Variants in ADRA1A observed in about 807,000 individuals in gnomAD.
ADRA1A encodes adrenoceptor alpha 1A.
ADRA1A carries 31 observed loss-of-function variants against 29.6 expected under a neutral mutation model. That is an observed-to-expected ratio of 1.05 (90% CI 0.79 to 1.41). The LOEUF (loss-of-function observed/expected upper bound fraction) is 1.41, where lower values mean the gene tolerates loss of function less well. Ranked by LOEUF, ADRA1A falls within the 40% of genes most tolerant of loss-of-function variation. The pLI, the probability that ADRA1A is intolerant of heterozygous loss-of-function variation, is 0.00. For synonymous variants in ADRA1A, 311 were observed against 254.3 expected, an observed-to-expected ratio of 1.22 and a Z score of -2.12; for missense variants, 619 against 601.1, an observed-to-expected ratio of 1.03 and a Z score of -0.31.
At chr8:26,835,242 T>G (rs1811259098) in intron 2 of ADRA1A, among the ~76,000 whole-genome samples, 1 of 152,226 alleles carries the variant, frequency 6.6e-6, no homozygotes, top group African/African-American at 2.4e-5. Flanking sequence ...CAATCTTACA[T>G]TTTTATAACA....
At chr8:26,840,484 T>A (rs1811739624) in intron 2 of ADRA1A, among the ~76,000 whole-genome samples, 1 of 152,120 alleles carries the variant, frequency 6.6e-6, no homozygotes, top group Non-Finnish European at 1.5e-5. Context: ...AACCCTAGAC[T>A]TTGGTTTGGA....
At chr8:26,858,346 T>A (rs376786198) in intron 2 of ADRA1A, among the ~76,000 whole-genome samples, 2 of 152,218 alleles carry the variant, frequency 1.3e-5, no homozygotes, top group East Asian at 3.8e-4. Flanking sequence ...ATGCTTTCTA[T>A]TTCTTAGAAT....
At chr8:26,851,023 G>T (rs2130743106) in intron 2 of ADRA1A, among the ~76,000 whole-genome samples, 1 of 152,066 alleles carries the variant, frequency 6.6e-6, no homozygotes, top group African/African-American at 2.4e-5. Context: ...TGTTCCATCT[G>T]GGAGATTAAG....
intron 2 of ADRA1A, among the ~76,000 whole-genome samples, chr8:26,794,158 G>T (rs7841917): frequency 0.021 from 3,134 of 152,062 alleles, 99 homozygotes; most frequent in African/African-American, 0.069. Flanking sequence ...AAACATTAGG[G>T]AATAATGGAA....
chr8:26,756,549 T>C (rs1713895529), exon 3 of ADRA1A: 6 of 1,544,530 alleles, frequency 3.9e-6, no homozygotes, highest in Non-Finnish European at 5.2e-6. Flanking sequence ...ATTCCTTAAG[T>C]TACTGTTTTT....
chr8:26,754,891 A>G (rs1442224905), downstream of ADRA1A, among the ~76,000 whole-genome samples: 15 of 152,168 alleles, frequency 9.9e-5, no homozygotes, highest in African/African-American at 2.4e-4. Context: ...ATACGCTTCA[A>G]TGTAGCGTGA....
downstream of ADRA1A, among the ~76,000 whole-genome samples, chr8:26,765,406 G>A (rs544530288): frequency 8.5e-5 from 13 of 152,310 alleles, no homozygotes; most frequent in Non-Finnish European, 1.9e-4. Context: ...CTGCTCCCAG[G>A]GGTTCTGGAG....
intron 2 of ADRA1A, among the ~76,000 whole-genome samples, chr8:26,840,404 G>GC (rs1359391887): frequency 6.6e-6 from 1 of 152,154 alleles, no homozygotes; most frequent in Non-Finnish European, 1.5e-5. Context: ...ACACAGTCGA[G>GC]CCCTGCTCCA....
At chr8:26,761,016 T>G (rs1805479546), downstream of ADRA1A, among the ~76,000 whole-genome samples, 1 of 152,216 alleles carries the variant, frequency 6.6e-6, no homozygotes, top group Non-Finnish European at 1.5e-5. Context: ...CCTCTCTCCA[T>G]GCCTGCTTAG....
chr8:26,818,486 C>G (rs1251957985), intron 2 of ADRA1A, among the ~76,000 whole-genome samples: 1 of 152,056 alleles, frequency 6.6e-6, no homozygotes, highest in Admixed American at 6.6e-5. Context: ...ACCCAGAAAA[C>G]TTTACAGATG....
chr8:26,757,227 GTC>G, intron 2 of ADRA1A: 1 of 690,762 alleles, frequency 1.4e-6, no homozygotes, highest in Non-Finnish European at 2.6e-6. Context: ...GAGATTCTGA[GTC>G]ACGAGAGACC....
chr8:26,839,309 C>T (rs1811632345), intron 2 of ADRA1A, among the ~76,000 whole-genome samples: 1 of 152,066 alleles, frequency 6.6e-6, no homozygotes, highest in Non-Finnish European at 1.5e-5. Context: ...CAGGCTCCTG[C>T]CACAACGCCC....
At chr8:26,855,104 C>T (rs1472906172) in intron 2 of ADRA1A, among the ~76,000 whole-genome samples, 1 of 152,126 alleles carries the variant, frequency 6.6e-6, no homozygotes, top group Non-Finnish European at 1.5e-5. Flanking sequence ...ATTATAGCAG[C>T]CTGAATGGAC....
intron 2 of ADRA1A, chr8:26,757,194 T>C: frequency 1.4e-6 from 1 of 700,902 alleles, no homozygotes; most frequent in South Asian, 1.5e-5. Flanking sequence ...AGTGACTTTT[T>C]TTCCTCTCTT....
At chr8:26,753,261 A>G (rs1304004865), downstream of ADRA1A, among the ~76,000 whole-genome samples, 1 of 151,974 alleles carries the variant, frequency 6.6e-6, no homozygotes, top group Non-Finnish European at 1.5e-5. Context: ...GTAACTTAAT[A>G]TGTCCTGTCT....
chr8:26,812,714 G>C (rs891739404), intron 2 of ADRA1A, among the ~76,000 whole-genome samples: 1 of 151,432 alleles, frequency 6.6e-6, no homozygotes, highest in Non-Finnish European at 1.5e-5. Context: ...ACCCAGGCTG[G>C]AGTGCAGTGG....
intron 2 of ADRA1A, among the ~76,000 whole-genome samples, chr8:26,803,519 G>A (rs779687978): frequency 2.6e-5 from 4 of 152,134 alleles, no homozygotes; most frequent in Non-Finnish European, 5.9e-5. Flanking sequence ...TGATCCTAGA[G>A]TAGTGAAATA....
Position 26,866,910 on chromosome 8 carries a change from C to A in ADRA1A, c.-687+26G>T, listed in dbSNP as rs1039503407. 11 of 985,288 alleles carry A rather than the reference C, an allele frequency of 1.1e-5. No individual in the cohort carries two copies. The highest frequency in any genetic ancestry group is 1.7e-5 in the African/African-American group (1 of 57,242). 61.0% of individuals were successfully genotyped at this position (985,288 alleles called of 1,614,324 possible). A position where few individuals can be genotyped will look rare whatever the true frequency, so the allele number is the denominator to read the frequency against. On this transcript the variant is annotated intron_variant, in intron 1 of 2. Transcript: ENST00000380573. This position sits in a 1 kb window ranked among gnomAD's most constrained non-coding sequence, Gnocchi z 5.7. The stretch of plus-strand genomic sequence containing the variant: ...GTCTGCCCTCACCCACTCGGCCCTG[C>A]GGGACGCCGGCCCCGGCGCACTCAC...
chr8:26,825,021 C>G lies in ADRA1A; in HGVS notation c.883+39066G>C, dbSNP rs989612233. 7.2e-6 allele frequency among the ~76,000 whole-genome samples: 1 copy of G among 139,014 alleles called. No individual in the cohort carries two copies. The highest frequency in any genetic ancestry group is 1.6e-5 in the Non-Finnish European group (1 of 62,150). 91.2% of individuals were successfully genotyped at this position (139,014 alleles called of 152,430 possible). ...GTTCTTCTTGAACTAGCCGGCAGAT[C>G]TGCAGTGTGGAATTGAGTTACCAGT... On this transcript the variant is annotated intron_variant, in intron 2 of 2. Transcript: ENST00000380573. This position sits in a 1 kb window ranked among gnomAD's most constrained non-coding sequence, Gnocchi z 5.7.
Sources: allele counts gnomAD v4.1 joint callset (sites outside exome capture counted in the v4.1 genomes callset), GRCh38; gene constraint gnomAD v4.1.1; non-coding constraint Gnocchi (gnomAD v3.1); transcripts MANE v1.5; gene names NCBI Gene and HGNC (gene_info 2026-07-23, HGNC 2026-07-21).